The following CORO1C variants were observed in gnomAD, a reference collection of about 807,000 sequenced individuals.
CORO1C encodes the protein coronin 1C, also known as coronin-1C.
Under a neutral mutation model 51.2 loss-of-function variants are expected in CORO1C, and 14 were observed. The observed-to-expected ratio is 0.27, with a 90% CI of 0.18 to 0.43. CORO1C has a LOEUF of 0.43. Among genes scored for constraint, CORO1C ranks in the 20% least tolerant of loss-of-function variants. The pLI is 1.00. For missense variants in CORO1C, 417 were observed against 607.8 expected (o/e 0.69, Z 3.30); for synonymous variants, 181 against 210.5 (o/e 0.86, Z 1.21).
chr12:108,730,644 C>A, intron 1 of CORO1C: 1 of 153,212 alleles, frequency 6.5e-6, no homozygotes, highest in Non-Finnish European at 1.5e-5. Flanking sequence ...CCAGTTCACT[C>A]GGACACCCTG....
chr12:108,695,157 G>A (rs1479198978), intron 2 of CORO1C, among the ~76,000 whole-genome samples: 1 of 152,208 alleles, frequency 6.6e-6, no homozygotes, highest in Non-Finnish European at 1.5e-5. Flanking sequence ...ATGGCTGGTT[G>A]AGCTGGTGCT....
chr12:108,691,352 G>T (rs1416647677), intron 2 of CORO1C, among the ~76,000 whole-genome samples: 1 of 152,168 alleles, frequency 6.6e-6, no homozygotes, highest in Non-Finnish European at 1.5e-5. Flanking sequence ...GTTATAAGGT[G>T]GCTTCTGGGC....
At chr12:108,685,087 G>A (rs1343710236) in intron 2 of CORO1C, among the ~76,000 whole-genome samples, 2 of 152,144 alleles carry the variant, frequency 1.3e-5, no homozygotes, top group Non-Finnish European at 2.9e-5. Context: ...CAATTTTGAG[G>A]GGAATCTGGA....
chr12:108,714,624 T>C (rs1486816182), intron 1 of CORO1C, among the ~76,000 whole-genome samples: 1 of 151,436 alleles, frequency 6.6e-6, no homozygotes, highest in Non-Finnish European at 1.5e-5. Flanking sequence ...TAGCCGGGCA[T>C]GATGGCGCAT....
chr12:108,728,946 G>A (rs1449616054), intron 1 of CORO1C, among the ~76,000 whole-genome samples: 2 of 152,182 alleles, frequency 1.3e-5, no homozygotes, highest in East Asian at 3.9e-4. Flanking sequence ...GAAAATGCAA[G>A]TAGCTCTCAA....
intron 3 of CORO1C, among the ~76,000 whole-genome samples, chr12:108,665,590 C>T (rs1408726342): frequency 3.3e-5 from 5 of 151,830 alleles, no homozygotes; most frequent in Non-Finnish European, 5.9e-5. Flanking sequence ...CAGAGTCAGG[C>T]AGAGTCTGGT....
At chr12:108,715,442 A>G (rs1451266424) in intron 1 of CORO1C, among the ~76,000 whole-genome samples, 2 of 152,156 alleles carry the variant, frequency 1.3e-5, no homozygotes, top group Non-Finnish European at 2.9e-5. Context: ...TGACAGAAAT[A>G]TATATTTCTA....
In CORO1C at chr12:108,693,087, C is replaced by T. The variant is rs1263619288; in HGVS notation, c.195+8037G>A. ...CGCTGGAATTACAAGCTTGAGCCAC[C>T]GCGCCCGGCTAAACCACAGATTCTA... On this transcript the variant is annotated intron_variant, in intron 2 of 10. Coordinates refer to ENST00000261401, the MANE Select transcript of CORO1C (RefSeq NM_014325.4). 3.9e-5 allele frequency among the ~76,000 whole-genome samples: 6 copies of T among 152,142 alleles called. No homozygotes were observed. The South Asian group carries it at 6.2e-4, about 16-fold the overall frequency.
At chr12:108,717,509 AG>A (rs765187386) in intron 1 of CORO1C, among the ~76,000 whole-genome samples, 14 of 152,258 alleles carry the variant, frequency 9.2e-5, no homozygotes, top group Non-Finnish European at 1.5e-4. Context: ...GAAGCTAGTT[AG>A]GAAGTCACGG....
In CORO1C at chr12:108,647,473, T is replaced by C. The variant is rs1364697451; in HGVS notation, c.1355A>G (p.Lys452Arg). The change falls in exon 11 of 11, where the codon AAA (lysine) becomes AGA (arginine). Residue 452 changes from lysine to arginine, a missense_variant. Lys to Arg is a conservative substitution (Grantham distance 26). Transcript: ENST00000261401. ...CTCATCTTGATTGCAGATTGTGTCT[T>C]TTATAGATTTGATCTCTTTTAAAAT... ...DEILKEIKSI[K>R]DTICNQDERI... The C allele has an allele frequency of 1.9e-6, 3 of 1,610,204 alleles. No individual in the cohort carries two copies. The highest frequency in any genetic ancestry group is 1.1e-5 in the South Asian group (1 of 90,830).
chr12:108,716,089 A>G (rs1235754361), intron 1 of CORO1C, among the ~76,000 whole-genome samples: 2 of 126,938 alleles, frequency 1.6e-5, no homozygotes, highest in Non-Finnish European at 3.2e-5. Flanking sequence ...CAAGATCGCC[A>G]CTGCACTCCA....
rs1163703701 is a variant in CORO1C at position 108,705,459 on chromosome 12, C to CAAAAAA, written c.-5-4142_-5-4137dup. ...TAGGTGACAGAGCAAGACCCTGTCTCAAAAAAAAAAAAAAAAAAAAAAAGA... is the reference window on the plus strand; with the variant it reads ...TAGGTGACAGAGCAAGACCCTGTCTCAAAAAAAAAAAAAAAAAAAAAAAAAAAAAGA... On this transcript the variant is annotated intron_variant, in intron 1 of 10. Coordinates refer to ENST00000261401, the MANE Select transcript of CORO1C (RefSeq NM_014325.4). Among the ~76,000 whole-genome samples the CAAAAAA allele has an allele frequency of 9.8e-4, 62 of 63,212 alleles. 1 individual carries two copies. The highest frequency in any genetic ancestry group is 2.3e-3 in the East Asian group (4 of 1,740). 41.5% of individuals were successfully genotyped at this position (63,212 alleles called of 152,430 possible).
chr12:108,649,098 A>C (rs1413051705), intron 8 of CORO1C, 78 bp from the exon 9 acceptor site: 1 of 1,521,036 alleles, frequency 6.6e-7, no homozygotes, highest in South Asian at 1.1e-5. Context: ...TTAGTTTTCT[A>C]CAATGCTGTC....
rs1215329555 is a variant in CORO1C at position 108,731,308 on chromosome 12, CCACCTAG to C, written c.-6+114_-6+120del. ...GCGCGCCCACCCAGCACTGTCCCCT[CCACCTAG>C]CCCTGCCCCTCGCCCCGCCGGCTCC... On this transcript the variant is annotated intron_variant, in intron 1 of 10. Coordinates refer to ENST00000261401, the MANE Select transcript of CORO1C (RefSeq NM_014325.4). The surrounding 1 kb of genome is among the most constrained non-coding windows in gnomAD (Gnocchi z 5.2). The C allele has an allele frequency of 6.5e-6, 1 of 152,786 alleles. No homozygotes were observed. Among genetic ancestry groups the C allele is most frequent in the Non-Finnish European group, 1.5e-5 (1 of 68,696 alleles). The allele number at this position is 152,786 out of a possible 1,614,324, so 9.5% of individuals were successfully genotyped here.
chr12:108,683,043 T>C (rs1006298836), intron 2 of CORO1C, among the ~76,000 whole-genome samples: 4 of 152,176 alleles, frequency 2.6e-5, no homozygotes, highest in Non-Finnish European at 5.9e-5. Context: ...ATGCATATAG[T>C]AGAAAAGACT....
intron 1 of CORO1C, among the ~76,000 whole-genome samples, chr12:108,721,283 C>G (rs777305764): frequency 4.6e-5 from 7 of 152,198 alleles, no homozygotes; most frequent in Non-Finnish European, 7.3e-5. Context: ...TCAGGGCCAT[C>G]TCATCTACCC....
intron 1 of CORO1C, among the ~76,000 whole-genome samples, chr12:108,709,401 CTT>C (rs1411330991): frequency 6.6e-6 from 1 of 152,160 alleles, no homozygotes; most frequent in Non-Finnish European, 1.5e-5. Flanking sequence ...ATCAAGGACT[CTT>C]TACAGAATTT....
chr12:108,698,068 A>C (rs1416332727), intron 2 of CORO1C, among the ~76,000 whole-genome samples: 1 of 152,228 alleles, frequency 6.6e-6, no homozygotes, highest in African/African-American at 2.4e-5. Context: ...CTTAGAAGAA[A>C]AAAAAGGCAA....
intron 6 of CORO1C, among the ~76,000 whole-genome samples, chr12:108,656,029 G>A (rs542026376): frequency 1.3e-4 from 19 of 149,584 alleles, no homozygotes; most frequent in African/African-American, 3.0e-4. Flanking sequence ...CTGCCCGGCC[G>A]GGACCCCGTC....
Sources: allele counts gnomAD v4.1 joint callset (sites outside exome capture counted in the v4.1 genomes callset), GRCh38; gene constraint gnomAD v4.1.1; non-coding constraint Gnocchi (gnomAD v3.1); transcripts MANE v1.5; gene names NCBI Gene and HGNC (gene_info 2026-07-23, HGNC 2026-07-21).